MAPK8: variants seen among roughly 807,000 people sequenced by gnomAD.
MAPK8 encodes mitogen-activated protein kinase 8.
Under a neutral mutation model 52.9 loss-of-function variants are expected in MAPK8, and 13 were observed. The ratio of observed to expected loss-of-function variants is 0.25; its 90% CI spans 0.16 to 0.39. MAPK8 has a LOEUF of 0.39. Among genes scored for constraint, MAPK8 ranks in the 10% least tolerant of loss-of-function variants. The pLI, the probability that MAPK8 is intolerant of heterozygous loss-of-function variation, is 1.00. For missense variants in MAPK8, 300 were observed against 519.2 expected, an observed-to-expected ratio of 0.58 and a Z score of 4.10; for synonymous variants, 191 against 169.8, an observed-to-expected ratio of 1.12 and a Z score of -0.97.
At chr10:48,316,367 A>G (rs947504143) in intron 1 of MAPK8, among the ~76,000 whole-genome samples, 9 of 152,184 alleles carry the variant, frequency 5.9e-5, no homozygotes, top group Non-Finnish European at 1.0e-4. Context: ...ATGTTGTACT[A>G]TCTAGGTTGG....
intron 1 of MAPK8, among the ~76,000 whole-genome samples, chr10:48,339,017 T>G (rs1218259409): frequency 6.6e-6 from 1 of 152,160 alleles, no homozygotes; most frequent in Non-Finnish European, 1.5e-5. Flanking sequence ...CCCAAAGCAA[T>G]CTACAACTTC....
chr10:48,306,936 T>G (rs1223192925), intron 1 of MAPK8, 115 bp downstream of exon 1: 3 of 151,234 alleles, frequency 2.0e-5, no homozygotes, highest in African/African-American at 4.9e-5. Context: ...CTCCTGGGAG[T>G]GGGGGCGGGA....
chr10:48,405,661 A>T (rs2042425233), intron 3 of MAPK8, among the ~76,000 whole-genome samples: 1 of 152,228 alleles, frequency 6.6e-6, no homozygotes, highest in Admixed American at 6.5e-5. Flanking sequence ...TAATGGAATG[A>T]TTTCTTCAGT....
At chr10:48,361,203 G>C (rs750895492) in intron 1 of MAPK8, among the ~76,000 whole-genome samples, 1 of 152,120 alleles carries the variant, frequency 6.6e-6, no homozygotes, top group Non-Finnish European at 1.5e-5. Flanking sequence ...ATTTCCGTAC[G>C]TCTGTTGCAT....
chr10:48,334,281 G>C (rs1033152390), intron 1 of MAPK8, among the ~76,000 whole-genome samples: 1 of 152,160 alleles, frequency 6.6e-6, no homozygotes, highest in Non-Finnish European at 1.5e-5. Context: ...GTCAGTCTCT[G>C]TGTCTGAGCT....
At chr10:48,425,103 C>A in intron 7 of MAPK8, 1 of 697,870 alleles carries the variant, frequency 1.4e-6, no homozygotes, top group Non-Finnish European at 2.6e-6. Context: ...TTTTGTTCAT[C>A]CCACTACTTT....
At chr10:48,316,824 T>C (rs1475719945) in intron 1 of MAPK8, among the ~76,000 whole-genome samples, 1 of 152,170 alleles carries the variant, frequency 6.6e-6, no homozygotes, top group African/African-American at 2.4e-5. Flanking sequence ...CTTCCCCTGC[T>C]CCCACCAAAA....
intron 10 of MAPK8, among the ~76,000 whole-genome samples, chr10:48,428,848 TCTCA>T (rs1359993476): frequency 6.6e-6 from 1 of 152,112 alleles, no homozygotes; most frequent in African/African-American, 2.4e-5. Flanking sequence ...TGAGACAGGG[TCTCA>T]CTGTGTCCCC....
At chr10:48,351,440 G>A (rs1015488276) in intron 1 of MAPK8, among the ~76,000 whole-genome samples, 2 of 151,572 alleles carry the variant, frequency 1.3e-5, no homozygotes, top group Non-Finnish European at 2.9e-5. Flanking sequence ...CAAACTGCTG[G>A]GCTAAGCGAT....
chr10:48,340,422 C>T (rs1845139952), intron 1 of MAPK8, among the ~76,000 whole-genome samples: 1 of 152,104 alleles, frequency 6.6e-6, no homozygotes, highest in South Asian at 2.1e-4. Context: ...GGTTGAAAAC[C>T]TCCCTCCTGG....
At chr10:48,373,631 A>G (rs1453876609) in intron 1 of MAPK8, among the ~76,000 whole-genome samples, 1 of 148,852 alleles carries the variant, frequency 6.7e-6, no homozygotes, top group Non-Finnish European at 1.5e-5. Flanking sequence ...CTGATAAAAG[A>G]GACTTTAGAT....
At chr10:48,312,381 T>G (rs531362328) in intron 1 of MAPK8, among the ~76,000 whole-genome samples, 1 of 152,284 alleles carries the variant, frequency 6.6e-6, no homozygotes, top group South Asian at 2.1e-4. Flanking sequence ...TAAGGCTGGA[T>G]CTGTACTAGA....
chr10:48,334,117 C>T (rs191804000), intron 1 of MAPK8, among the ~76,000 whole-genome samples: 19 of 152,272 alleles, frequency 1.2e-4, no homozygotes, highest in Admixed American at 8.5e-4. Flanking sequence ...AGCTGCAGGA[C>T]GGCTCCACAG....
At chr10:48,403,568 T>C (rs2042273090) in intron 2 of MAPK8, among the ~76,000 whole-genome samples, 1 of 152,126 alleles carries the variant, frequency 6.6e-6, no homozygotes, top group Non-Finnish European at 1.5e-5. Flanking sequence ...ATTTACAATA[T>C]CAAAAATTAT....
At chr10:48,396,097 A>G (rs1382382755) in intron 1 of MAPK8, among the ~76,000 whole-genome samples, 1 of 152,082 alleles carries the variant, frequency 6.6e-6, no homozygotes, top group Non-Finnish European at 1.5e-5. Flanking sequence ...AAAAATAATG[A>G]CTTGGGCTTC....
chr10:48,358,963 A>G (rs1847268071), intron 1 of MAPK8, among the ~76,000 whole-genome samples: 1 of 152,138 alleles, frequency 6.6e-6, no homozygotes, highest in African/African-American at 2.4e-5. Context: ...ATTGATCTGC[A>G]TGTCTGTCCT....
At chr10:48,361,690 T>C (rs1181479840) in intron 1 of MAPK8, among the ~76,000 whole-genome samples, 1 of 152,186 alleles carries the variant, frequency 6.6e-6, no homozygotes, top group Admixed American at 6.5e-5. Context: ...CTGATGACCG[T>C]TGTGCATTTC....
intron 1 of MAPK8, among the ~76,000 whole-genome samples, chr10:48,358,424 G>T (rs946405461): frequency 6.6e-6 from 1 of 152,120 alleles, no homozygotes; most frequent in Non-Finnish European, 1.5e-5. Flanking sequence ...TAATGATGTT[G>T]AACATCTTGT....
chr10:48,306,733 G>C lies in MAPK8; in HGVS notation c.-138G>C, dbSNP rs1382933321. Reference sequence around the variant, plus strand: ...CGCGGCTTGGATTGCGGAGCCGCGAGCAGCGCTGGGTAACGGCCGCGGCGA... The same window carrying C: ...CGCGGCTTGGATTGCGGAGCCGCGACCAGCGCTGGGTAACGGCCGCGGCGA... On this transcript the variant is annotated 5_prime_UTR_variant, in exon 1 of 12. Coordinates refer to ENST00000374189, the MANE Select transcript of MAPK8 (RefSeq NM_001323329.2). 1 of 151,532 alleles carries C rather than the reference G, an allele frequency of 6.6e-6. No individual in the cohort carries two copies. Among genetic ancestry groups the C allele is most frequent in the Non-Finnish European group, 1.5e-5 (1 of 67,806 alleles). The allele number at this position is 151,532 out of a possible 1,614,324, so 9.4% of individuals were successfully genotyped here. A position where few individuals can be genotyped will look rare whatever the true frequency, so the allele number is the denominator to read the frequency against.
Sources: allele counts gnomAD v4.1 joint callset (sites outside exome capture counted in the v4.1 genomes callset), GRCh38; gene constraint gnomAD v4.1.1; transcripts MANE v1.5; gene names NCBI Gene and HGNC (gene_info 2026-07-23, HGNC 2026-07-21).